NAALADL2: variants seen among roughly 807,000 people sequenced by gnomAD.
The protein encoded by NAALADL2 is N-acetylated alpha-linked acidic dipeptidase like 2.
In NAALADL2, 76 loss-of-function variants were observed where a neutral mutation model predicts 87.2. That is an observed-to-expected ratio of 0.87 (90% confidence interval 0.72 to 1.05). The LOEUF is 1.05. Ranked by LOEUF, NAALADL2 falls within the 50% of genes least tolerant of loss-of-function variation. NAALADL2 has a pLI of 0.00. For missense variants in NAALADL2, 1,089 were observed against 945.8 expected (o/e 1.15, Z -1.99); for synonymous variants, 354 against 331.0 (o/e 1.07, Z -0.75).
intron 1 of NAALADL2, among the ~76,000 whole-genome samples, chr3:174,510,615 T>G (rs1176540471): frequency 2.0e-5 from 3 of 152,022 alleles, no homozygotes; most frequent in African/African-American, 7.2e-5. Context: ...GTTAGAGGGT[T>G]ACCAATTGTA....
At chr3:175,028,038 A>C (rs1365870853) in intron 1 of NAALADL2, among the ~76,000 whole-genome samples, 1 of 152,094 alleles carries the variant, frequency 6.6e-6, no homozygotes, top group African/African-American at 2.4e-5. Flanking sequence ...TAACCTTCAG[A>C]AACTTTGCAA....
chr3:175,181,696 T>TATATATATATATATATAA (rs1736510510), intron 2 of NAALADL2, among the ~76,000 whole-genome samples: 1 of 40,800 alleles, frequency 2.5e-5, no homozygotes, highest in Non-Finnish European at 6.6e-5. Context: ...TATATATATA[T>TATATATATATATATATAA]ATATATATGT....
chr3:175,503,097 A>G (rs1729783886), intron 9 of NAALADL2, among the ~76,000 whole-genome samples: 1 of 152,032 alleles, frequency 6.6e-6, no homozygotes, highest in Non-Finnish European at 1.5e-5. Context: ...TCTACCCTCA[A>G]GTAGGCCTTG....
At chr3:174,500,859 A>AT (rs71300442) in intron 1 of NAALADL2, among the ~76,000 whole-genome samples, 71,186 of 143,452 alleles carry the variant, frequency 0.5, 18,112 homozygotes, top group South Asian at 0.64. Flanking sequence ...CCATTGGATA[A>AT]TTTTTTTTTT....
chr3:174,988,480 C>A (rs1010617503), intron 1 of NAALADL2, among the ~76,000 whole-genome samples: 6 of 152,130 alleles, frequency 3.9e-5, no homozygotes, highest in Non-Finnish European at 8.8e-5. Context: ...AATCATTCAG[C>A]CAATGTATTA....
rs1006366777 is a variant in NAALADL2 at position 174,793,080 on chromosome 3, A to G, written c.-9+55334A>G. ...ACCACTGCACTTAAAAGGTGTTGGC[A>G]AAGATAACAATGTCCTTAAGTACAT... On this transcript the variant is annotated intron_variant, in intron 3 of 3. Transcript: ENST00000434257. Among the ~76,000 whole-genome samples, 4 of 152,268 alleles carry G rather than the reference A, an allele frequency of 2.6e-5. No homozygotes were observed. The South Asian group carries it at 8.3e-4, about 32-fold the overall frequency.
intron 10 of NAALADL2, among the ~76,000 whole-genome samples, chr3:175,604,180 A>G (rs561978444): frequency 1.3e-5 from 2 of 152,124 alleles, no homozygotes; most frequent in Admixed American, 6.5e-5. Flanking sequence ...AAGGGTTCCA[A>G]TGTCTCCATA....
intron 10 of NAALADL2, among the ~76,000 whole-genome samples, chr3:175,595,559 A>G (rs897247468): frequency 6.6e-6 from 1 of 152,238 alleles, no homozygotes. Context: ...AAACAAAATC[A>G]GAGTACAAAA....
At chr3:175,554,823 A>G (rs1715003475) in intron 9 of NAALADL2, among the ~76,000 whole-genome samples, 2 of 152,166 alleles carry the variant, frequency 1.3e-5, no homozygotes, top group South Asian at 4.1e-4. Context: ...AGCTGTATGA[A>G]TTCTAACTTA....
intron 1 of NAALADL2, among the ~76,000 whole-genome samples, chr3:174,976,515 A>G (rs1374134455): frequency 6.6e-6 from 1 of 152,346 alleles, no homozygotes; most frequent in African/African-American, 2.4e-5. Flanking sequence ...CACTGGTTAT[A>G]AAAGCAGCTT....
At chr3:174,996,224 G>A (rs1292968266) in intron 1 of NAALADL2, among the ~76,000 whole-genome samples, 9 of 152,088 alleles carry the variant, frequency 5.9e-5, no homozygotes, top group African/African-American at 1.2e-4. Flanking sequence ...TTGGCTGGGC[G>A]CGGTGGCTCA....
intron 5 of NAALADL2, among the ~76,000 whole-genome samples, chr3:175,329,431 A>G (rs1761136515): frequency 6.6e-6 from 1 of 152,204 alleles, no homozygotes; most frequent in Non-Finnish European, 1.5e-5. Flanking sequence ...ATATCACTGT[A>G]ATTTGTGACA....
intron 3 of NAALADL2, among the ~76,000 whole-genome samples, chr3:174,790,509 G>A (rs554988396): frequency 1.9e-4 from 29 of 152,102 alleles, no homozygotes; most frequent in Non-Finnish European, 3.2e-4. Context: ...TTAGCTGGGT[G>A]TGGTGGTGCA....
chr3:175,231,892 T>C (rs1360517199), intron 2 of NAALADL2, among the ~76,000 whole-genome samples: 1 of 152,082 alleles, frequency 6.6e-6, no homozygotes, highest in African/African-American at 2.4e-5. Flanking sequence ...TCAGTTTACC[T>C]GCTCTATCCC....
intron 3 of NAALADL2, among the ~76,000 whole-genome samples, chr3:174,772,383 G>A (rs940698036): frequency 1.3e-5 from 2 of 152,134 alleles, no homozygotes; most frequent in African/African-American, 4.8e-5. Context: ...TGAGTGGAGA[G>A]GATGTTAATT....
chr3:175,134,335 G>T (rs1728743985), intron 2 of NAALADL2, among the ~76,000 whole-genome samples: 1 of 152,158 alleles, frequency 6.6e-6, no homozygotes, highest in South Asian at 2.1e-4. Context: ...AGTTATTTGT[G>T]CACGTTTCTA....
At chr3:174,766,696 TTA>T (rs199923947) in intron 3 of NAALADL2, among the ~76,000 whole-genome samples, 2,328 of 152,298 alleles carry the variant, frequency 0.015, 27 homozygotes, top group Non-Finnish European at 0.025. Context: ...TGTTGTAGAT[TTA>T]GAGTTCTACC....
intron 13 of NAALADL2, among the ~76,000 whole-genome samples, chr3:175,763,776 A>T (rs2150155895): frequency 6.6e-6 from 1 of 152,296 alleles, no homozygotes; most frequent in African/African-American, 2.4e-5. Context: ...CTCTCTCCAC[A>T]TTTAAATGAG....
rs71162402 is a variant in NAALADL2 at position 174,667,545 on chromosome 3, G to GTTTTTTTTTTT, written c.-114-70089_-114-70079dup. On this transcript the variant is annotated intron_variant, in intron 2 of 3. Coordinates refer to the NAALADL2 transcript ENST00000434257. ...CTGAAAACTCTCCAGATGGGAGAGA[G>GTTTTTTTTTTT]TTTTTTTTTTTTTTTTTATAGCAAG... is the stretch of plus-strand genomic sequence containing the variant. Among the ~76,000 whole-genome samples the GTTTTTTTTTTT allele has an allele frequency of 8.1e-5, 10 of 123,766 alleles. 1 individual carries two copies. The highest frequency in any genetic ancestry group is 2.6e-4 in the East Asian group (1 of 3,894). 81.2% of individuals were successfully genotyped at this position (123,766 alleles called of 152,430 possible). A position where few individuals can be genotyped will look rare whatever the true frequency, so the allele number is the denominator to read the frequency against.
Sources: gnomAD v4.1 joint callset for allele counts (sites outside exome capture counted in the v4.1 genomes callset) on GRCh38, gnomAD v4.1.1 for gene constraint, MANE v1.5 for transcripts, NCBI Gene and HGNC (gene_info 2026-07-23, HGNC 2026-07-21) for gene names.